Variants in PPAT observed in about 807,000 individuals in gnomAD.
PPAT encodes amidophosphoribosyltransferase.
Under a neutral mutation model 60.2 loss-of-function variants are expected in PPAT, and 20 were observed. The observed-to-expected ratio is 0.33, with a 90% CI of 0.23 to 0.48. The LOEUF (loss-of-function observed/expected upper bound fraction) is 0.48. Ranked by LOEUF, PPAT falls within the 20% of genes least tolerant of loss-of-function variation. The pLI is 0.99. For synonymous variants in PPAT, 194 were observed against 215.1 expected (o/e 0.90, Z 0.86); for missense variants, 349 against 629.6 (o/e 0.55, Z 4.77).
Position 56,393,590 on chromosome 4 carries a change from G to A in PPAT, c.*1762C>T, listed in dbSNP as rs964377205. The A allele has an allele frequency of 6.6e-6, 1 of 152,538 alleles. No individual in the cohort carries two copies. Among genetic ancestry groups the A allele is most frequent in the African/African-American group, 2.4e-5 (1 of 41,436 alleles). The allele number at this position is 152,538 out of a possible 1,614,324, so 9.4% of individuals were successfully genotyped here. On this transcript the variant is annotated 3_prime_UTR_variant, in exon 11 of 11. Coordinates refer to ENST00000264220, the MANE Select transcript of PPAT (RefSeq NM_002703.5). Reference sequence around the variant, plus strand: ...ACTTCAGAAAATTGTGAAGTAAAAGGCCATGATGGAGAAATATTAAGAATC... The same window carrying A: ...ACTTCAGAAAATTGTGAAGTAAAAGACCATGATGGAGAAATATTAAGAATC...
intron 1 of PPAT, chr4:56,423,124 T>C (rs1257995905): frequency 6.6e-6 from 1 of 152,242 alleles, no homozygotes; most frequent in African/African-American, 2.4e-5. Flanking sequence ...AGCTGAAGTA[T>C]ATCTGTTAAA....
intron 1 of PPAT, chr4:56,429,039 C>T (rs1161711657): frequency 1.5e-6 from 1 of 646,692 alleles, no homozygotes; most frequent in Non-Finnish European, 1.9e-6. Context: ...TTCTTCCACA[C>T]AGTGGAAACA....
chr4:56,419,635 A>C, intron 1 of PPAT: 1 of 979,502 alleles, frequency 1.0e-6, no homozygotes, highest in Middle Eastern at 5.2e-4. Context: ...TCAGTATTGG[A>C]ACCCTCTAAT....
At chr4:56,401,131 C>A (rs1157288236) in intron 7 of PPAT, among the ~76,000 whole-genome samples, 199 bp downstream of exon 7, 2 of 151,992 alleles carry the variant, frequency 1.3e-5, no homozygotes, top group African/African-American at 4.8e-5. Flanking sequence ...AATCCTTACT[C>A]CTAACAAAAA....
chr4:56,404,818 G>A (rs952604503), intron 3 of PPAT, among the ~76,000 whole-genome samples: 2 of 152,204 alleles, frequency 1.3e-5, no homozygotes, highest in Non-Finnish European at 1.5e-5. Context: ...TGGAATGACA[G>A]TGAGTGGTAC....
intron 9 of PPAT, among the ~76,000 whole-genome samples, chr4:56,397,378 G>C (rs1478570146): frequency 6.6e-6 from 1 of 152,108 alleles, no homozygotes; most frequent in Non-Finnish European, 1.5e-5. Context: ...AATTTCCACA[G>C]AATTCCAGAG....
intron 3 of PPAT, chr4:56,403,889 A>ATGC: frequency 3.3e-6 from 1 of 304,208 alleles, no homozygotes; most frequent in South Asian, 3.0e-5. Flanking sequence ...GGAGAATCTA[A>ATGC]TGCTGCTGCT....
chr4:56,430,011 C>T lies in PPAT; in HGVS notation c.128+5339G>A, dbSNP rs193232404. The stretch of plus-strand genomic sequence containing the variant: ...CAGTGGCTCAGGTCTATAATTCCAG[C>T]ACTGCCTTGGAGGCCAAGGCAGGAG... On this transcript the variant is annotated intron_variant, in intron 1 of 10. Transcript: ENST00000264220. Among the ~76,000 whole-genome samples, 58 of 152,244 alleles carry T rather than the reference C, an allele frequency of 3.8e-4. No homozygotes were observed. In the East Asian group the frequency reaches 0.01, roughly 26 times the overall value.
chr4:56,401,889 T>C (rs1458505775), intron 6 of PPAT, among the ~76,000 whole-genome samples: 1 of 152,196 alleles, frequency 6.6e-6, no homozygotes, highest in Non-Finnish European at 1.5e-5. Flanking sequence ...AGTTTCATAG[T>C]ATCTTGAAAG....
chr4:56,399,950 A>C (rs943887865), intron 8 of PPAT: 1 of 152,490 alleles, frequency 6.6e-6, no homozygotes, highest in Admixed American at 6.5e-5. Flanking sequence ...TGACAACATC[A>C]TGCTAAATGA....
chr4:56,410,879 G>A, intron 1 of PPAT: 1 of 636,642 alleles, frequency 1.6e-6, no homozygotes, highest in Non-Finnish European at 1.8e-6. Flanking sequence ...CCCAAGTACA[G>A]CCCCAGAGAC....
chr4:56,417,796 AT>A (rs1716834591), intron 1 of PPAT, among the ~76,000 whole-genome samples: 1 of 151,492 alleles, frequency 6.6e-6, no homozygotes, highest in South Asian at 2.1e-4. Flanking sequence ...AAGAAACAAA[AT>A]AAATTATGAT....
At chr4:56,410,755 A>C in intron 1 of PPAT, 1 of 987,418 alleles carries the variant, frequency 1.0e-6, no homozygotes, top group Non-Finnish European at 1.2e-6. Context: ...ATAACTCTGG[A>C]GACAGCTCTA....
At chr4:56,406,442 A>T in intron 3 of PPAT, 53 bp downstream of exon 3, 1 of 1,542,792 alleles carries the variant, frequency 6.5e-7, no homozygotes, top group Non-Finnish European at 8.9e-7. Flanking sequence ...TTTATTCATT[A>T]ACCCATCCTA....
chr4:56,429,887 G>A (rs1260582615), intron 1 of PPAT, among the ~76,000 whole-genome samples: 1 of 152,054 alleles, frequency 6.6e-6, no homozygotes, highest in Non-Finnish European at 1.5e-5. Flanking sequence ...ATTCAACATT[G>A]TTTATGAGAT....
At chr4:56,407,546 G>A in intron 2 of PPAT, 104 bp downstream of exon 2, 2 of 871,308 alleles carry the variant, frequency 2.3e-6, no homozygotes, top group South Asian at 1.4e-5. Flanking sequence ...TTGAACTCCC[G>A]ACCTCAGGTG....
intron 1 of PPAT, among the ~76,000 whole-genome samples, chr4:56,434,359 C>A (rs926887782): frequency 1.3e-5 from 2 of 152,148 alleles, no homozygotes; most frequent in Non-Finnish European, 2.9e-5. Context: ...CGTGTTATTG[C>A]CAAGTTCCTT....
chr4:56,395,694 AAAAAT>A (rs1224310217), intron 10 of PPAT, 146 bp from the exon 11 acceptor site: 4 of 586,142 alleles, frequency 6.8e-6, no homozygotes, highest in Non-Finnish European at 1.0e-5. Flanking sequence ...AAAAAGGAAA[AAAAAT>A]CAATAAAACT....
Position 56,406,491 on chromosome 4 carries a change from G to A in PPAT, c.402+4C>T, listed in dbSNP as rs757412904. The A allele has an allele frequency of 1.2e-5, 20 of 1,608,060 alleles. No homozygotes were observed. The Admixed American group carries it at 2.0e-4, about 16-fold the overall frequency. ...GCCTAGGGAAAACAAACAAACAAAC[G>A]TACCTTTTTCCTTAATCGAGCAGCA... On this transcript the variant is annotated splice_donor_region_variant and intron_variant, in intron 3 of 10. Transcript: ENST00000264220.
Sources: gnomAD v4.1 joint callset for allele counts (sites outside exome capture counted in the v4.1 genomes callset) on GRCh38, gnomAD v4.1.1 for gene constraint, MANE v1.5 for transcripts, NCBI Gene and HGNC (gene_info 2026-07-23, HGNC 2026-07-21) for gene names.